PRKAG2: variants seen among roughly 807,000 people sequenced by gnomAD.
PRKAG2 encodes 5'-AMP-activated protein kinase subunit gamma-2.
In PRKAG2, 26 loss-of-function variants were observed where a neutral mutation model predicts 69.6. The observed-to-expected ratio is 0.37, with a 90% CI of 0.27 to 0.52. PRKAG2 has a LOEUF of 0.52. Among genes scored for constraint, PRKAG2 ranks in the 20% least tolerant of loss-of-function variants. The pLI is 0.90. For missense variants in PRKAG2, 557 were observed against 740.0 expected, an observed-to-expected ratio of 0.75 and a Z score of 2.87; for synonymous variants, 293 against 285.0, an observed-to-expected ratio of 1.03 and a Z score of -0.28.
At chr7:151,652,118 T>C (rs1403354639) in intron 4 of PRKAG2, among the ~76,000 whole-genome samples, 2 of 152,232 alleles carry the variant, frequency 1.3e-5, no homozygotes, top group Admixed American at 6.5e-5. Flanking sequence ...TGTATACACA[T>C]ATCACAGCAT....
At position 151,850,649 on chromosome 7, in the gene PRKAG2, A is replaced by ATCGTCCTC. The variant is rs781100462; in HGVS notation, c.114+25857_114+25858insGAGGACGA. ...ACTCCTTCCCGCCTGCCCCACCTCC[A>ATCGTCCTC]TCGTCCTGTGTCCAGGAACATGGCC... is the stretch of plus-strand genomic sequence containing the variant. On this transcript the variant is annotated intron_variant, in intron 1 of 15. Coordinates refer to ENST00000287878, the MANE Select transcript of PRKAG2 (RefSeq NM_016203.4). This position sits in a 1 kb window ranked among gnomAD's most constrained non-coding sequence, Gnocchi z 4.1. 3.9e-4 allele frequency among the ~76,000 whole-genome samples: 59 copies of ATCGTCCTC among 152,308 alleles called. No homozygotes were observed. The highest frequency in any genetic ancestry group is 6.5e-4 in the Admixed American group (10 of 15,306).
intron 1 of PRKAG2, among the ~76,000 whole-genome samples, chr7:151,858,792 G>A (rs1405440124): frequency 6.6e-6 from 1 of 152,214 alleles, no homozygotes. Flanking sequence ...GTAGCTAGGA[G>A]GTATTCAGCA....
chr7:151,743,619 G>C (rs988633973), intron 3 of PRKAG2, among the ~76,000 whole-genome samples: 1 of 152,200 alleles, frequency 6.6e-6, no homozygotes, highest in African/African-American at 2.4e-5. Flanking sequence ...TCCCCAGCTA[G>C]ACTGAAAGCT....
At chr7:151,749,982 A>G (rs2074556158) in intron 3 of PRKAG2, among the ~76,000 whole-genome samples, 1 of 151,582 alleles carries the variant, frequency 6.6e-6, no homozygotes, top group African/African-American at 2.4e-5. Flanking sequence ...TCATAGCCCC[A>G]GCTACTCGGG....
chr7:151,780,965 T>C lies in PRKAG2; in HGVS notation c.466+187A>G, dbSNP rs1423891710. On this transcript the variant is annotated intron_variant, in intron 3 of 15. Coordinates refer to ENST00000287878, the MANE Select transcript of PRKAG2 (RefSeq NM_016203.4). The surrounding 1 kb of genome is among the most constrained non-coding windows in gnomAD (Gnocchi z 4.2). Reference sequence around the variant, plus strand: ...ATTAGCATGGGAAGAAAGTGACAGGTGGAAACTGATGTTCTGGAGAGAGAT... The same window carrying C: ...ATTAGCATGGGAAGAAAGTGACAGGCGGAAACTGATGTTCTGGAGAGAGAT... 6.6e-6 allele frequency among the ~76,000 whole-genome samples: 1 copy of C among 151,840 alleles called. No individual in the cohort carries two copies. The highest frequency in any genetic ancestry group is 1.5e-5 in the Non-Finnish European group (1 of 67,960).
chr7:151,575,415 G>A (rs757767646), intron 7 of PRKAG2, among the ~76,000 whole-genome samples: 2 of 152,084 alleles, frequency 1.3e-5, no homozygotes, highest in Non-Finnish European at 2.9e-5. Context: ...AGGATGATAC[G>A]GATGAAAAAG....
intron 1 of PRKAG2, among the ~76,000 whole-genome samples, chr7:151,812,488 G>C (rs1481851097): frequency 2.0e-5 from 3 of 152,240 alleles, no homozygotes; most frequent in Non-Finnish European, 2.9e-5. Flanking sequence ...AGAAGCCGCA[G>C]TTCCAGGGAC....
At chr7:151,682,295 C>T (rs1211085433) in intron 3 of PRKAG2, among the ~76,000 whole-genome samples, 2 of 152,100 alleles carry the variant, frequency 1.3e-5, no homozygotes, top group African/African-American at 2.4e-5. Flanking sequence ...GGCTGGGGTA[C>T]AATGGTATGA....
At chr7:151,815,171 C>G (rs1470488491) in intron 1 of PRKAG2, among the ~76,000 whole-genome samples, 2 of 143,766 alleles carry the variant, frequency 1.4e-5, no homozygotes, top group Non-Finnish European at 3.1e-5. Context: ...AGTGAAATCC[C>G]CATTTACACT....
intron 5 of PRKAG2, among the ~76,000 whole-genome samples, chr7:151,605,763 C>A (rs1817389746): frequency 2.0e-5 from 3 of 152,166 alleles, no homozygotes; most frequent in South Asian, 4.1e-4. Context: ...CATGGTGAAA[C>A]CCTGTCTCTA....
rs542982463 is a variant in PRKAG2 at position 151,781,767 on chromosome 7, T to C, written c.187-336A>G. Among the ~76,000 whole-genome samples the C allele has an allele frequency of 6.6e-6, 1 of 152,298 alleles. No individual in the cohort carries two copies. Among genetic ancestry groups the C allele is most frequent in the African/African-American group, 2.4e-5 (1 of 41,584 alleles). ...CTCCCTCCTTTATTATGGGCCTGCCTGCCTTCACCTCTCAAGACCTCACGT... is the reference window on the plus strand; with the variant it reads ...CTCCCTCCTTTATTATGGGCCTGCCCGCCTTCACCTCTCAAGACCTCACGT... On this transcript the variant is annotated intron_variant, in intron 2 of 15. Coordinates refer to ENST00000287878, the MANE Select transcript of PRKAG2 (RefSeq NM_016203.4). The surrounding 1 kb of genome is among the most constrained non-coding windows in gnomAD (Gnocchi z 6.1).
At chr7:151,600,999 C>T (rs1258282412) in intron 5 of PRKAG2, among the ~76,000 whole-genome samples, 2 of 152,156 alleles carry the variant, frequency 1.3e-5, no homozygotes, top group Non-Finnish European at 1.5e-5. Flanking sequence ...AGTAGTGACC[C>T]AAGCGGGATT....
Position 151,637,924 on chromosome 7 carries a change from G to A in PRKAG2, c.685-5786C>T, listed in dbSNP as rs1242662876. Among the ~76,000 whole-genome samples the A allele has an allele frequency of 3.9e-5, 6 of 152,246 alleles. No homozygotes were observed. In the South Asian group the frequency reaches 6.2e-4, roughly 16 times the overall value. On this transcript the variant is annotated intron_variant, in intron 4 of 15. Coordinates refer to ENST00000287878, the MANE Select transcript of PRKAG2 (RefSeq NM_016203.4). ...ACTTAATTTTAGCTGTTTCAGGCAG[G>A]CAGGGAAAGCCGGGAGAAGAGGCGA...
At chr7:151,774,092 T>C (rs567884762) in intron 3 of PRKAG2, among the ~76,000 whole-genome samples, 1 of 152,178 alleles carries the variant, frequency 6.6e-6, no homozygotes, top group Admixed American at 6.5e-5. Context: ...GGCATTGTTT[T>C]GGTTGGGGTG....
At chr7:151,676,276 G>A (rs1182938534) in intron 3 of PRKAG2, among the ~76,000 whole-genome samples, 1 of 149,828 alleles carries the variant, frequency 6.7e-6, no homozygotes, top group Non-Finnish European at 1.5e-5. Flanking sequence ...GGGGAGGGGA[G>A]GGGAGGGGAT....
intron 3 of PRKAG2, among the ~76,000 whole-genome samples, chr7:151,697,221 G>T (rs1032756408): frequency 5.0e-4 from 76 of 152,212 alleles, no homozygotes; most frequent in African/African-American, 1.5e-3. Context: ...TGCACACCCT[G>T]GGGTGGTCAA....
At chr7:151,865,367 G>A (rs1045604660) in intron 1 of PRKAG2, among the ~76,000 whole-genome samples, 68 of 152,268 alleles carry the variant, frequency 4.5e-4, no homozygotes, top group East Asian at 7.7e-4. Flanking sequence ...CCCCAACCAC[G>A]AGAACTTCCC....
intron 3 of PRKAG2, among the ~76,000 whole-genome samples, chr7:151,764,513 C>T (rs887562869): frequency 3.3e-5 from 5 of 152,212 alleles, no homozygotes; most frequent in African/African-American, 4.8e-5. Context: ...TCTGACTGTC[C>T]ACCCCCAGTG....
chr7:151,719,596 G>C lies in PRKAG2; in HGVS notation c.467-43959C>G, dbSNP rs1796716784. Among the ~76,000 whole-genome samples the C allele has an allele frequency of 6.6e-6, 1 of 152,034 alleles. No individual in the cohort carries two copies. Among genetic ancestry groups the C allele is most frequent in the African/African-American group, 2.4e-5 (1 of 41,400 alleles). ...CTGCCTCCTACCCTCATCCTTCCCG[G>C]GCAGTTCCCCCAGTGAGTCTGGTGT... On this transcript the variant is annotated intron_variant, in intron 3 of 15. Coordinates refer to ENST00000287878, the MANE Select transcript of PRKAG2 (RefSeq NM_016203.4). The surrounding 1 kb of genome is among the most constrained non-coding windows in gnomAD (Gnocchi z 5.2).
Sources: allele counts gnomAD v4.1 joint callset (sites outside exome capture counted in the v4.1 genomes callset), GRCh38; gene constraint gnomAD v4.1.1; non-coding constraint Gnocchi (gnomAD v3.1); transcripts MANE v1.5; gene names NCBI Gene and HGNC (gene_info 2026-07-23, HGNC 2026-07-21).